Variants in PRKN observed in about 807,000 individuals in gnomAD.
PRKN encodes E3 ubiquitin-protein ligase parkin.
In PRKN, 56 loss-of-function variants were observed where a neutral mutation model predicts 59.5. The observed-to-expected ratio is 0.94, with a 90% CI of 0.76 to 1.18. PRKN has a LOEUF of 1.18. Among genes scored for constraint, PRKN ranks in the 50% most tolerant of loss-of-function variants. The probability of loss-of-function intolerance (pLI) is 0.00; values close to 1 mark genes in which losing one functional copy is unlikely to be tolerated. For missense variants in PRKN, 657 were observed against 596.4 expected (o/e 1.10, Z -1.06); for synonymous variants, 250 against 222.1 (o/e 1.13, Z -1.12).
At chr6:161,571,074 G>C (rs1780869840) in intron 7 of PRKN, among the ~76,000 whole-genome samples, 1 of 152,082 alleles carries the variant, frequency 6.6e-6, no homozygotes, top group Non-Finnish European at 1.5e-5. Flanking sequence ...TGGGACTACA[G>C]GTGTGTGCAC....
intron 9 of PRKN, among the ~76,000 whole-genome samples, chr6:161,441,404 G>C (rs1789214450): frequency 6.6e-6 from 1 of 152,106 alleles, no homozygotes; most frequent in Non-Finnish European, 1.5e-5. Context: ...CAGCACTTTG[G>C]GAGGCCAAGG....
intron 7 of PRKN, among the ~76,000 whole-genome samples, chr6:161,753,339 G>A (rs1788773778): frequency 6.6e-6 from 1 of 152,098 alleles, no homozygotes; most frequent in African/African-American, 2.4e-5. Flanking sequence ...TAAGCACGCA[G>A]TGAGGATTAG....
intron 5 of PRKN, among the ~76,000 whole-genome samples, chr6:162,043,217 C>T (rs1784130476): frequency 6.6e-6 from 1 of 152,114 alleles, no homozygotes; most frequent in Non-Finnish European, 1.5e-5. Context: ...CCTCCAGCAA[C>T]ACATGGGAAT....
chr6:162,480,791 G>T (rs1379295230), intron 1 of PRKN, among the ~76,000 whole-genome samples: 3 of 152,060 alleles, frequency 2.0e-5, no homozygotes, highest in Non-Finnish European at 2.9e-5. Flanking sequence ...TATGGAAGGA[G>T]ACAGTGTATT....
chr6:162,594,091 G>A (rs113967636), intron 1 of PRKN, among the ~76,000 whole-genome samples: 3,121 of 151,276 alleles, frequency 0.021, 105 homozygotes, highest in African/African-American at 0.071. Context: ...TGGAAGTTGC[G>A]GTCAGCAGAG....
Position 161,546,349 on chromosome 6 carries a change from T to A in PRKN, c.1083+2505A>T, listed in dbSNP as rs1779793821. Among the ~76,000 whole-genome samples, 1 of 152,154 alleles carries A rather than the reference T, an allele frequency of 6.6e-6. No homozygotes were observed. Among genetic ancestry groups the A allele is most frequent in the Non-Finnish European group, 1.5e-5 (1 of 68,028 alleles). On this transcript the variant is annotated intron_variant, in intron 9 of 11. Transcript: ENST00000366898. The surrounding 1 kb of genome is among the most constrained non-coding windows in gnomAD (Gnocchi z 4.4). ...GAAGCCAGGGTTTGAACTTCACACA[T>A]TCAACGCCACCCTTTTTAAATCACT...
rs1396339504 is a variant in PRKN at position 162,257,078 on chromosome 6, G to A, written c.412+5447C>T. Among the ~76,000 whole-genome samples, 4 of 152,134 alleles carry A rather than the reference G, an allele frequency of 2.6e-5. No homozygotes were observed. The East Asian group carries it at 5.8e-4, about 22-fold the overall frequency. On this transcript the variant is annotated intron_variant, in intron 3 of 11. Transcript: ENST00000366898. ...GGCCAGCCTCAGCCTGTGCTGCCCC[G>A]GCATGGTATTCCTCTCCGCAGCTTT...
intron 5 of PRKN, among the ~76,000 whole-genome samples, chr6:162,008,625 T>A (rs1782355528): frequency 6.6e-6 from 1 of 152,098 alleles, no homozygotes; most frequent in South Asian, 2.1e-4. Flanking sequence ...CAGTTATCAG[T>A]CTTCCTTGGA....
intron 1 of PRKN, among the ~76,000 whole-genome samples, chr6:162,667,866 A>T (rs971349715): frequency 6.6e-6 from 1 of 152,156 alleles, no homozygotes; most frequent in Non-Finnish European, 1.5e-5. Flanking sequence ...GGTTGTTATG[A>T]AGACTAAATT....
chr6:161,699,346 T>G lies in PRKN; in HGVS notation c.871+86426A>C, dbSNP rs1226078048. 2.0e-5 allele frequency among the ~76,000 whole-genome samples: 3 copies of G among 152,138 alleles called. No individual in the cohort carries two copies. The South Asian group carries it at 6.2e-4, about 31-fold the overall frequency. On this transcript the variant is annotated intron_variant, in intron 7 of 11. Transcript: ENST00000366898. The stretch of plus-strand genomic sequence containing the variant: ...GCCCAGTTATTCCACTCCTAAGTAT[T>G]TACCCAATAGAAATTAAACCATATG...
At chr6:162,511,381 T>C (rs951621160) in intron 1 of PRKN, among the ~76,000 whole-genome samples, 1 of 152,090 alleles carries the variant, frequency 6.6e-6, no homozygotes, top group Non-Finnish European at 1.5e-5. Flanking sequence ...GCAGTTTGTT[T>C]TACCTGCTAG....
At chr6:162,466,402 T>G (rs555186078) in intron 1 of PRKN, among the ~76,000 whole-genome samples, 8 of 152,226 alleles carry the variant, frequency 5.3e-5, no homozygotes, top group African/African-American at 1.7e-4. Flanking sequence ...ACAAGTCTTG[T>G]TTTTGGAGGG....
At position 161,575,879 on chromosome 6, in the gene PRKN, C is replaced by T. The variant is rs187657944; in HGVS notation, c.872-6463G>A. ...CAACTTAGAAAAGGAAACCGACTAA[C>T]GACAAAATGGCATCAAAAATAAATG... On this transcript the variant is annotated intron_variant, in intron 7 of 11. Transcript: ENST00000366898. The surrounding 1 kb of genome is among the most constrained non-coding windows in gnomAD (Gnocchi z 4.6). Among the ~76,000 whole-genome samples the T allele has an allele frequency of 2.0e-5, 3 of 152,276 alleles. No individual in the cohort carries two copies. Among genetic ancestry groups the T allele is most frequent in the Non-Finnish European group, 2.9e-5 (2 of 68,032 alleles).
chr6:162,025,583 C>CTTTTTTTTTTT lies in PRKN; in HGVS notation c.618+28497_618+28507dup. Among the ~76,000 whole-genome samples, 53 of 59,006 alleles carry CTTTTTTTTTTT rather than the reference C, an allele frequency of 9.0e-4. 17 individuals are homozygous for CTTTTTTTTTTT. The highest frequency in any genetic ancestry group is 3.1e-3 in the African/African-American group (43 of 13,726). The allele number at this position is 59,006 out of a possible 152,430, so 38.7% of individuals were successfully genotyped here. On this transcript the variant is annotated intron_variant, in intron 5 of 11. Transcript: ENST00000366898. Reference sequence around the variant, plus strand: ...TCTCCCAGTGGCCATATCCATGGTGCTTTTTTTTTTTTTTTTTTTTTTTTT... The same window carrying CTTTTTTTTTTT: ...TCTCCCAGTGGCCATATCCATGGTGCTTTTTTTTTTTTTTTTTTTTTTTTTTTTTTTTTTTT...
rs1789885656 is a variant in PRKN at position 161,454,668 on chromosome 6, G to A, written c.1084-67791C>T. 6.6e-6 allele frequency among the ~76,000 whole-genome samples: 1 copy of A among 152,212 alleles called. No individual in the cohort carries two copies. The highest frequency in any genetic ancestry group is 2.4e-5 in the African/African-American group (1 of 41,450). ...TACTGAAATTTAGAATATGTGGGTT[G>A]AAAAGCACCAAAGCCAGTGTGAGAA... On this transcript the variant is annotated intron_variant, in intron 9 of 11. Coordinates refer to ENST00000366898, the MANE Select transcript of PRKN (RefSeq NM_004562.3). The surrounding 1 kb of genome is among the most constrained non-coding windows in gnomAD (Gnocchi z 4.6).
chr6:161,753,180 T>C (rs1333268132), intron 7 of PRKN, among the ~76,000 whole-genome samples: 1 of 152,128 alleles, frequency 6.6e-6, no homozygotes, highest in African/African-American at 2.4e-5. Context: ...AGGTAAATGA[T>C]ATTAAAGTAA....
chr6:161,403,483 G>A (rs9347505), intron 9 of PRKN, among the ~76,000 whole-genome samples: 30,927 of 152,024 alleles, frequency 0.2, 3,248 homozygotes, highest in South Asian at 0.26. Context: ...TCATGGGGTC[G>A]GTTATTGTTC....
intron 3 of PRKN, among the ~76,000 whole-genome samples, chr6:162,236,560 C>T (rs1778729085): frequency 6.6e-6 from 1 of 151,910 alleles, no homozygotes; most frequent in South Asian, 2.1e-4. Flanking sequence ...CCGAGATGGG[C>T]CGATCACTGG....
chr6:161,367,704 C>T (rs1785265879), intron 10 of PRKN, among the ~76,000 whole-genome samples: 1 of 152,156 alleles, frequency 6.6e-6, no homozygotes, highest in African/African-American at 2.4e-5. Flanking sequence ...GGCGCTGGGA[C>T]AGCTGCAGGG....
Sources: gnomAD v4.1 joint callset for allele counts (sites outside exome capture counted in the v4.1 genomes callset) on GRCh38, gnomAD v4.1.1 for gene constraint, Gnocchi (gnomAD v3.1) non-coding constraint, MANE v1.5 for transcripts, NCBI Gene and HGNC (gene_info 2026-07-23, HGNC 2026-07-21) for gene names.